The following SGO1 variants were observed in gnomAD, a reference collection of about 807,000 sequenced individuals.
The protein encoded by SGO1 is serologically defined breast cancer antigen NY-BR-85.
A neutral mutation model predicts 50.5 loss-of-function variants in SGO1; 39 were observed. That is an observed-to-expected ratio of 0.77 (90% CI 0.60 to 1.01). SGO1 has a LOEUF of 1.01. Ranked by LOEUF, SGO1 falls within the 50% of genes least tolerant of loss-of-function variation. The pLI is 0.00. For missense variants in SGO1, 638 were observed against 606.0 expected, an observed-to-expected ratio of 1.05 and a Z score of -0.55; for synonymous variants, 191 against 205.1, an observed-to-expected ratio of 0.93 and a Z score of 0.59.
At chr3:20,174,225 C>T (rs766543812) in intron 6 of SGO1, 24 bp downstream of exon 6, 1 of 1,540,964 alleles carries the variant, frequency 6.5e-7, no homozygotes, top group Non-Finnish European at 9.0e-7. Context: ...ATTAAAAATA[C>T]AGGTAAACAA....
intron 4 of SGO1, among the ~76,000 whole-genome samples, chr3:20,177,448 G>C (rs749631918): frequency 1.3e-5 from 2 of 152,162 alleles, no homozygotes; most frequent in Non-Finnish European, 2.9e-5. Context: ...ATAGGCATAC[G>C]AAAGAACTGT....
intron 8 of SGO1, among the ~76,000 whole-genome samples, chr3:20,163,050 T>C (rs1488319394): frequency 6.6e-6 from 1 of 152,080 alleles, no homozygotes; most frequent in Admixed American, 6.6e-5. Context: ...TCTTAATTCA[T>C]AGTACCTTAA....
At chr3:20,162,471 C>G (rs1354313068) in intron 8 of SGO1, among the ~76,000 whole-genome samples, 1 of 152,128 alleles carries the variant, frequency 6.6e-6, no homozygotes, top group African/African-American at 2.4e-5. Flanking sequence ...TGATCTCTAA[C>G]AAACTTAATT....
At chr3:20,175,275 T>A (rs1377899938) in intron 5 of SGO1, among the ~76,000 whole-genome samples, 1 of 152,182 alleles carries the variant, frequency 6.6e-6, no homozygotes, top group African/African-American at 2.4e-5. Context: ...TGTGAAAGAA[T>A]CTTGTACAGG....
At chr3:20,183,256 T>G (rs1166253138) in intron 3 of SGO1, among the ~76,000 whole-genome samples, 1 of 152,188 alleles carries the variant, frequency 6.6e-6, no homozygotes, top group East Asian at 1.9e-4. Context: ...TTTGGATAAG[T>G]CCACTTCAAC....
At chr3:20,177,127 T>C (rs1213234952) in intron 4 of SGO1, 2 of 152,602 alleles carry the variant, frequency 1.3e-5, no homozygotes, top group Non-Finnish European at 2.9e-5. Context: ...TGTTGTTCTT[T>C]GGTTCATGAA....
chr3:20,180,339 A>C (rs1701871693), intron 3 of SGO1, among the ~76,000 whole-genome samples: 1 of 152,192 alleles, frequency 6.6e-6, no homozygotes, highest in Non-Finnish European at 1.5e-5. Context: ...GAAGTGAAGA[A>C]TATACTGTTT....
intron 1 of SGO1, among the ~76,000 whole-genome samples, chr3:20,184,456 T>A (rs1253081352): frequency 6.6e-6 from 1 of 152,210 alleles, no homozygotes; most frequent in East Asian, 1.9e-4. Context: ...GAGGCAATTA[T>A]ATATTTGGGT....
exon 9 of SGO1, chr3:20,161,040 G>A: frequency 6.2e-7 from 1 of 1,606,800 alleles, no homozygotes; most frequent in Non-Finnish European, 8.5e-7. Context: ...ATCTATTAAA[G>A]GTCTGCATAC....
chr3:20,179,701 T>A (rs1701798323), intron 3 of SGO1, among the ~76,000 whole-genome samples: 1 of 152,152 alleles, frequency 6.6e-6, no homozygotes, highest in Non-Finnish European at 1.5e-5. Context: ...AGTGCTCTGA[T>A]TACAGCCACG....
At chr3:20,160,972 G>C in exon 9 of SGO1, 2 of 1,347,970 alleles carry the variant, frequency 1.5e-6, no homozygotes, top group Non-Finnish European at 2.0e-6. Context: ...ATGTATGTAG[G>C]CTGAGTGAAA....
At chr3:20,173,200 C>T (rs892631219) in intron 6 of SGO1, among the ~76,000 whole-genome samples, 3 of 151,384 alleles carry the variant, frequency 2.0e-5, no homozygotes, top group East Asian at 1.9e-4. Context: ...GGCATGGTCT[C>T]GGCTCACTGC....
intron 7 of SGO1, 101 bp downstream of exon 7, chr3:20,170,942 G>C (rs1700658240): frequency 6.8e-7 from 1 of 1,460,696 alleles, no homozygotes; most frequent in African/African-American, 1.5e-5. Flanking sequence ...TAAATCAAAT[G>C]TTTATATTTC....
In SGO1 at chr3:20,170,339, G is replaced by A. The variant is rs528355511; in HGVS notation, c.*365C>T. The stretch of plus-strand genomic sequence containing the variant: ...CTTGAACCTGGGAGGCGGAGGTTGC[G>A]GTAAGCTGAGATCGTGCCATTGCAC... On this transcript the variant is annotated 3_prime_UTR_variant, in exon 8 of 8. Transcript: ENST00000412997. The A allele has an allele frequency of 6.7e-6, 5 of 741,190 alleles. No individual in the cohort carries two copies. The East Asian group carries it at 3.9e-4, about 58-fold the overall frequency. The allele number at this position is 741,190 out of a possible 1,614,324, so 45.9% of individuals were successfully genotyped here. A position where few individuals can be genotyped will look rare whatever the true frequency, so the allele number is the denominator to read the frequency against.
At chr3:20,171,467 T>C (rs909382079) in intron 6 of SGO1, among the ~76,000 whole-genome samples, 6 of 152,162 alleles carry the variant, frequency 3.9e-5, no homozygotes, top group Non-Finnish European at 5.9e-5. Flanking sequence ...GTCTTCCAAG[T>C]AGCTGGGACT....
At chr3:20,171,320 T>A in intron 6 of SGO1, 88 bp from the exon 7 acceptor site, 1 of 1,072,390 alleles carries the variant, frequency 9.3e-7, no homozygotes. Context: ...ATCTTAACTG[T>A]ACACAAAATC....
At position 20,183,823 on chromosome 3, in the gene SGO1, A is replaced by T; in HGVS notation, c.143-19T>A. On this transcript the variant is annotated intron_variant, in intron 2 of 7. Coordinates refer to ENST00000412997, the MANE Select transcript of SGO1 (RefSeq NM_001199251.3). ...GTGTTGGCTAAAAGAGGATAAAAAA[A>T]TTTATCAGTTATTAAATCTAAACTT... 6.2e-7 allele frequency: 1 copy of T among 1,600,734 alleles called. No individual in the cohort carries two copies. Among genetic ancestry groups the T allele is most frequent in the Admixed American group, 1.8e-5 (1 of 55,706 alleles).
Position 20,169,617 on chromosome 3 carries a change from A to G in SGO1, c.*1087T>C. 1.0e-6 allele frequency: 1 copy of G among 985,120 alleles called. No individual in the cohort carries two copies. The highest frequency in any genetic ancestry group is 1.1e-4 in the East Asian group (1 of 8,812). The allele number at this position is 985,120 out of a possible 1,614,324, so 61.0% of individuals were successfully genotyped here. On this transcript the variant is annotated 3_prime_UTR_variant, in exon 8 of 8. Transcript: ENST00000412997. ...TCGCTTTCATTGGTTGGTCAAAAAT[A>G]TGCAAAAACCCTAAATATTCACACA... is the stretch of plus-strand genomic sequence containing the variant.
intron 3 of SGO1, among the ~76,000 whole-genome samples, chr3:20,182,371 C>G (rs1702118947): frequency 6.8e-6 from 1 of 146,446 alleles, no homozygotes; most frequent in African/African-American, 2.5e-5. Context: ...TCACAATGTT[C>G]TCGCTTTCTT....
Sources: gnomAD v4.1 joint callset for allele counts (sites outside exome capture counted in the v4.1 genomes callset) on GRCh38, gnomAD v4.1.1 for gene constraint, MANE v1.5 for transcripts, NCBI Gene and HGNC (gene_info 2026-07-23, HGNC 2026-07-21) for gene names.